Variants in IL17RC observed in about 807,000 individuals in gnomAD.
The protein encoded by IL17RC is interleukin-17 receptor C.
A neutral mutation model predicts 86.7 loss-of-function variants in IL17RC; 53 were observed. The observed-to-expected ratio is 0.61, with a 90% CI of 0.49 to 0.77. IL17RC has a LOEUF of 0.77. IL17RC is among the 30% of genes least tolerant of loss of function. The pLI is 0.00. For synonymous variants in IL17RC, 439 were observed against 413.1 expected (o/e 1.06, Z -0.76); for missense variants, 957 against 940.0 (o/e 1.02, Z -0.24).
intron 7 of IL17RC, among the ~76,000 whole-genome samples, chr3:9,922,738 T>C (rs1326561216): frequency 1.3e-5 from 2 of 151,632 alleles, no homozygotes; most frequent in African/African-American, 4.8e-5. Context: ...CTGGGGAAGG[T>C]TGGGAGTTGT....
At chr3:9,920,292 C>CA (rs2083434186) in intron 5 of IL17RC, 199 bp from the exon 6 acceptor site, 1 of 561,446 alleles carries the variant, frequency 1.8e-6, no homozygotes, top group East Asian at 2.9e-5. Context: ...TGGTGACACT[C>CA]TTACTGAGGA....
rs759273957 is a variant in IL17RC, at chr3:9,933,170, C to T, written c.1740C>T (p.Leu580=). ...TLQEGGVVVL[L]FSPGAVALCS... ...AGGAGGGCGGCGTGGTGGTCTTGCT[C>T]TTCTCTCCCGGTGCGGTGGCGCTGT... Residue 580 remains leucine (L), a synonymous_variant, in exon 19 of 19, where the codon CTC becomes CTT. Transcript: ENST00000403601. The T allele has an allele frequency of 6.8e-6, 11 of 1,607,040 alleles. No homozygotes were observed. The highest frequency in any genetic ancestry group is 5.1e-5 in the Admixed American group (3 of 59,330).
rs765314616 is a variant in IL17RC, at chr3:9,933,560, AGGCGCGGGACCT to A, written c.2133_2144del (p.Pro714_Gly717del). On this transcript the variant is annotated inframe_deletion, in exon 19 of 19. Transcript: ENST00000403601. The stretch of plus-strand genomic sequence containing the variant: ...CCGCGCCGGGACGCGGGGTGGGACC[AGGCGCGGGACCT>A]GGGGCGGGGGACGGGACTTAAATAA... 6.2e-5 allele frequency: 99 copies of A among 1,605,822 alleles called. No individual in the cohort carries two copies. The highest frequency in any genetic ancestry group is 1.4e-4 in the South Asian group (13 of 90,366).
At chr3:9,925,998 A>C (rs1395731803) in intron 9 of IL17RC, among the ~76,000 whole-genome samples, 1 of 147,522 alleles carries the variant, frequency 6.8e-6, no homozygotes, top group African/African-American at 2.5e-5. Flanking sequence ...CTGGGACTGC[A>C]GGCATGCGCC....
intron 17 of IL17RC, 32 bp downstream of exon 17, chr3:9,932,735 G>A (rs767634495): frequency 1.2e-6 from 2 of 1,613,224 alleles, no homozygotes; most frequent in South Asian, 2.2e-5. Context: ...ATTCCCCTGG[G>A]GGAGGACCAG....
rs753009287 is a variant in IL17RC, at chr3:9,928,408, A to G, written c.981A>G (p.Ala327=). The change falls in exon 11 of 19, where the codon GCA becomes GCG. Residue 327 remains alanine, a synonymous_variant. Coordinates refer to ENST00000403601, the MANE Select transcript of IL17RC (RefSeq NM_153460.4). ...DAPCSLPAEA[A]LCWRAPGGDP... is the part of the protein sequence containing the mutation. ...CGTGCTCGCTGCCCGCAGAAGCGGC[A>G]CTGTGCTGGCGGGCTCCGGGTGGGG... 7.5e-6 allele frequency: 12 copies of G among 1,606,230 alleles called. No homozygotes were observed. Among genetic ancestry groups the G allele is most frequent in the Middle Eastern group, 3.3e-4 (2 of 6,022 alleles).
chr3:9,924,123 A>G, intron 8 of IL17RC, 103 bp downstream of exon 8: 1 of 1,608,890 alleles, frequency 6.2e-7, no homozygotes, highest in Non-Finnish European at 8.5e-7. Flanking sequence ...ACTCACCCCA[A>G]GCAAGGGAAA....
At chr3:9,931,114 G>A (rs1311027167) in intron 16 of IL17RC, among the ~76,000 whole-genome samples, 171 bp downstream of exon 16, 1 of 152,044 alleles carries the variant, frequency 6.6e-6, no homozygotes, top group Non-Finnish European at 1.5e-5. Context: ...GGGATCGCAG[G>A]AACACCAAAA....
rs572542208 is a variant in IL17RC, at chr3:9,933,489, G to T, written c.2059G>T (p.Ala687Ser). The change falls in exon 19 of 19, where the codon GCC becomes TCC. Residue 687 changes from alanine to serine, a missense_variant. Ala to Ser is a moderately conservative substitution (Grantham distance 99). Coordinates refer to ENST00000403601, the MANE Select transcript of IL17RC (RefSeq NM_153460.4). ...LQERAEQVSR[A>S]LQPALDSYFH... ...AGAGAGAGCGGAGCAAGTGTCCCGG[G>T]CCCTTCAGCCAGCCCTGGATAGCTA... 6.8e-6 allele frequency: 11 copies of T among 1,611,986 alleles called. No homozygotes were observed. The African/African-American group carries it at 1.5e-4, about 21-fold the overall frequency.
chr3:9,918,444 C>A, intron 4 of IL17RC, 35 bp downstream of exon 4: 1 of 1,610,644 alleles, frequency 6.2e-7, no homozygotes, highest in South Asian at 1.1e-5. Context: ...CTGCCCCATG[C>A]CAAGGCCTGG....
chr3:9,931,796 C>T (rs1018850932), intron 16 of IL17RC, among the ~76,000 whole-genome samples: 7 of 151,108 alleles, frequency 4.6e-5, no homozygotes, highest in Non-Finnish European at 7.4e-5. Flanking sequence ...TGAGTCACCG[C>T]ACCTGGCCCA....
chr3:9,930,074 A>G lies in IL17RC; in HGVS notation c.1203A>G (p.Arg401=), dbSNP rs138063632. ...ACGATGTGCTACTGTTGGAGACACG[A>G]GGCCCCCAGGACAACAGATCCCTCT... is the stretch of plus-strand genomic sequence containing the variant. ...LKDDVLLLET[R]GPQDNRSLCA... Residue 401 remains arginine, a synonymous_variant, in exon 14 of 19, where the codon CGA becomes CGG. Transcript: ENST00000403601. The surrounding 1 kb of genome is among the most constrained non-coding windows in gnomAD (Gnocchi z 5.8). 3,485 of 1,614,068 alleles carry G rather than the reference A, an allele frequency of 2.2e-3. 5 individuals carry two copies. Among genetic ancestry groups the G allele is most frequent in the Non-Finnish European group, 2.8e-3 (3,259 of 1,179,996 alleles).
chr3:9,924,323 A>G (rs1174810348), intron 9 of IL17RC, 32 bp downstream of exon 9: 1 of 1,600,380 alleles, frequency 6.2e-7, no homozygotes, highest in South Asian at 1.1e-5. Flanking sequence ...GTGCCAGAAG[A>G]GGAGTGGGAA....
Position 9,918,342 on chromosome 3 carries a change from G to C in IL17RC, c.288G>C (p.Trp96Cys). The C allele has an allele frequency of 6.3e-7, 1 of 1,591,136 alleles. No homozygotes were observed. The highest frequency in any genetic ancestry group is 8.6e-7 in the Non-Finnish European group (1 of 1,169,108). Residue 96 changes from tryptophan to cysteine, a missense_variant, in exon 4 of 19, where the codon TGG becomes TGC. Coordinates refer to ENST00000403601, the MANE Select transcript of IL17RC (RefSeq NM_153460.4). ...VAVHLAVHGH[W>C]EEPEDEEKFG... ...GCTCTTGGGTCCTTCTAGGGCACTG[G>C]GAAGAGCCTGAAGATGAGGAAAAGT...
In IL17RC at chr3:9,921,746, T is replaced by C. The variant is rs1234368118; in HGVS notation, c.622+777T>C. ...TTCACGCCATTCTCCTGCCTCAGCCTCCCGAGTAGCTGGGACTACAGGCAC... is the reference window on the plus strand; with the variant it reads ...TTCACGCCATTCTCCTGCCTCAGCCCCCCGAGTAGCTGGGACTACAGGCAC... On this transcript the variant is annotated intron_variant, in intron 7 of 18. Transcript: ENST00000403601. 2.0e-5 allele frequency among the ~76,000 whole-genome samples: 3 copies of C among 148,864 alleles called. No individual in the cohort carries two copies. In the East Asian group the frequency reaches 6.3e-4, roughly 31 times the overall value.
intron 5 of IL17RC, 127 bp from the exon 6 acceptor site, chr3:9,920,364 G>T (rs2083438629): frequency 1.5e-6 from 1 of 654,014 alleles, no homozygotes; most frequent in South Asian, 1.8e-5. Flanking sequence ...AGGCTATACA[G>T]TATAAATACA....
At chr3:9,918,287 C>G in intron 3 of IL17RC, 48 bp from the exon 4 acceptor site, 1 of 1,510,402 alleles carries the variant, frequency 6.6e-7, no homozygotes, top group Non-Finnish European at 9.0e-7. Flanking sequence ...AGCCAGCCAG[C>G]CCAGAGCAGG....
In IL17RC at chr3:9,926,414, C is replaced by A. The variant is rs1378828622; in HGVS notation, c.823-1752C>A. ...ACTTTCTTATTTGGGCATCTAATTT[C>A]TTCTTGTACACAACAGATGCTCAAT... On this transcript the variant is annotated intron_variant, in intron 9 of 18. Transcript: ENST00000403601. 3.3e-5 allele frequency among the ~76,000 whole-genome samples: 5 copies of A among 152,156 alleles called. No homozygotes were observed. In the East Asian group the frequency reaches 9.6e-4, roughly 29 times the overall value.
At position 9,929,835 on chromosome 3, in the gene IL17RC, T is replaced by C; in HGVS notation, c.1111-17T>C. 1 of 1,614,096 alleles carries C rather than the reference T, an allele frequency of 6.2e-7. No individual in the cohort carries two copies. The highest frequency in any genetic ancestry group is 8.5e-7 in the Non-Finnish European group (1 of 1,179,946). On this transcript the variant is annotated splice_polypyrimidine_tract_variant and intron_variant, in intron 12 of 18. Transcript: ENST00000403601. ...TTGCTTTTCTTAGTGGCCCTAACCA[T>C]GGTCTCTTCCCAGCAGGTGAACAGC...
Sources: gnomAD v4.1 joint callset for allele counts (sites outside exome capture counted in the v4.1 genomes callset) on GRCh38, gnomAD v4.1.1 for gene constraint, Gnocchi (gnomAD v3.1) non-coding constraint, MANE v1.5 for transcripts, NCBI Gene and HGNC (gene_info 2026-07-23, HGNC 2026-07-21) for gene names.